MCTP1: variants seen among roughly 807,000 people sequenced by gnomAD.
MCTP1 encodes multiple C2 and transmembrane domain-containing protein 1.
MCTP1 carries 69 observed loss-of-function variants against 120.6 expected under a neutral mutation model. That is an observed-to-expected ratio of 0.57 (90% CI 0.47 to 0.70). MCTP1 has a LOEUF of 0.70. MCTP1 is among the 30% of genes least tolerant of loss of function. The pLI, the probability that MCTP1 is intolerant of heterozygous loss-of-function variation, is 0.00. For synonymous variants in MCTP1, 529 were observed against 493.1 expected, an observed-to-expected ratio of 1.07 and a Z score of -0.96; for missense variants, 1,203 against 1,248.8, an observed-to-expected ratio of 0.96 and a Z score of 0.55.
intron 1 of MCTP1, among the ~76,000 whole-genome samples, chr5:95,029,942 T>G (rs906965892): frequency 4.6e-5 from 7 of 152,112 alleles, no homozygotes; most frequent in African/African-American, 7.2e-5. Context: ...AAGCACAGCT[T>G]ACACAAAGAG....
At chr5:95,152,563 A>G (rs1211716199) in intron 1 of MCTP1, among the ~76,000 whole-genome samples, 1 of 152,216 alleles carries the variant, frequency 6.6e-6, no homozygotes, top group Non-Finnish European at 1.5e-5. Context: ...TGGACCCAGA[A>G]AGTGAGTCTA....
At chr5:94,901,674 C>T (rs1805582950) in intron 10 of MCTP1, among the ~76,000 whole-genome samples, 1 of 151,890 alleles carries the variant, frequency 6.6e-6, no homozygotes, top group African/African-American at 2.4e-5. Flanking sequence ...TATTCATCAT[C>T]TTTATGGGGT....
chr5:94,953,933 TATATATACAAATATATATGC>T (rs1821482570), intron 2 of MCTP1, among the ~76,000 whole-genome samples: 1 of 31,562 alleles, frequency 3.2e-5, no homozygotes. Flanking sequence ...AATATATGCA[TATATATACAAATATATATGC>T]ATATATATAC....
At chr5:95,141,860 A>G (rs768755474) in intron 1 of MCTP1, among the ~76,000 whole-genome samples, 3 of 152,218 alleles carry the variant, frequency 2.0e-5, no homozygotes, top group Non-Finnish European at 4.4e-5. Flanking sequence ...AATAAACTTC[A>G]TGCTGATCAC....
At chr5:95,017,559 A>AAAGGG in intron 1 of MCTP1, 75 bp from the exon 2 acceptor site, 25 of 759,012 alleles carry the variant, frequency 3.3e-5, no homozygotes, top group South Asian at 7.7e-5. Context: ...GACCATATAT[A>AAAGGG]GCTTAACCCA....
intron 10 of MCTP1, among the ~76,000 whole-genome samples, chr5:94,895,122 G>A (rs1803641738): frequency 6.6e-6 from 1 of 152,008 alleles, no homozygotes; most frequent in Non-Finnish European, 1.5e-5. Flanking sequence ...CCTATCTCTA[G>A]GTGGCCTAAG....
chr5:94,786,768 T>C (rs999914913), intron 18 of MCTP1, among the ~76,000 whole-genome samples: 5 of 150,082 alleles, frequency 3.3e-5, no homozygotes, highest in African/African-American at 1.3e-4. Context: ...TTGATTTTTT[T>C]TTATTTCTCA....
chr5:94,747,698 C>T (rs904695281), intron 19 of MCTP1, among the ~76,000 whole-genome samples: 8 of 151,822 alleles, frequency 5.3e-5, no homozygotes, highest in African/African-American at 1.5e-4. Context: ...GCAACAGAGG[C>T]GGATCTAGAA....
At chr5:95,230,171 T>C (rs967170930) in intron 1 of MCTP1, among the ~76,000 whole-genome samples, 2 of 115,318 alleles carry the variant, frequency 1.7e-5, no homozygotes, top group Admixed American at 8.1e-5. Flanking sequence ...CACACACATA[T>C]ACACATACAT....
chr5:95,190,780 G>T (rs1040412134), intron 1 of MCTP1, among the ~76,000 whole-genome samples: 1 of 152,050 alleles, frequency 6.6e-6, no homozygotes, highest in Admixed American at 6.6e-5. Context: ...ATGTACATTT[G>T]AGAAGACACT....
At chr5:95,006,373 G>A (rs950589853) in intron 2 of MCTP1, among the ~76,000 whole-genome samples, 1 of 151,260 alleles carries the variant, frequency 6.6e-6, no homozygotes, top group East Asian at 1.9e-4. Flanking sequence ...ATATATATAT[G>A]TATATTAGAA....
At chr5:95,030,894 G>C (rs1329818676) in intron 1 of MCTP1, among the ~76,000 whole-genome samples, 3 of 151,738 alleles carry the variant, frequency 2.0e-5, no homozygotes, top group Non-Finnish European at 4.4e-5. Flanking sequence ...CCAATAGAAA[G>C]CAGATATCCA....
chr5:95,118,265 T>C (rs1757966162), intron 1 of MCTP1, among the ~76,000 whole-genome samples: 1 of 152,148 alleles, frequency 6.6e-6, no homozygotes, highest in African/African-American at 2.4e-5. Flanking sequence ...GTGTAGAGTT[T>C]TTATTAGTTT....
intron 2 of MCTP1, among the ~76,000 whole-genome samples, chr5:94,995,430 C>T (rs1343635653): frequency 6.6e-6 from 1 of 152,080 alleles, no homozygotes. Flanking sequence ...GTTATAAGAA[C>T]ATCGTGTTAA....
intron 17 of MCTP1, among the ~76,000 whole-genome samples, chr5:94,817,407 A>AAAAC (rs55957139): frequency 0.14 from 20,612 of 149,950 alleles, 1,716 homozygotes; most frequent in East Asian, 0.4. Flanking sequence ...CTCTTGTCTC[A>AAAAC]AAACAAACAA....
intron 1 of MCTP1, among the ~76,000 whole-genome samples, chr5:95,140,917 G>A (rs1049922988): frequency 1.4e-5 from 2 of 142,394 alleles, no homozygotes; most frequent in African/African-American, 2.6e-5. Flanking sequence ...GCCATTTAAC[G>A]AGAATGTACT....
chr5:94,934,633 T>A (rs1374226986), intron 5 of MCTP1, among the ~76,000 whole-genome samples: 2 of 151,796 alleles, frequency 1.3e-5, no homozygotes, highest in Non-Finnish European at 2.9e-5. Flanking sequence ...GTAACATACA[T>A]CTTGTAAAGC....
At chr5:95,136,717 G>A (rs1217156834) in intron 1 of MCTP1, among the ~76,000 whole-genome samples, 1 of 152,182 alleles carries the variant, frequency 6.6e-6, no homozygotes, top group Non-Finnish European at 1.5e-5. Flanking sequence ...TTTTACGGAT[G>A]AAGAAACTGA....
In MCTP1 at chr5:95,133,228, C is replaced by T. The variant is rs556237015; in HGVS notation, c.721-115744G>A. 2.0e-5 allele frequency among the ~76,000 whole-genome samples: 3 copies of T among 152,270 alleles called. No individual in the cohort carries two copies. The South Asian group carries it at 6.2e-4, about 32-fold the overall frequency. ...CCCTTTATCTACAGGGGATATGTTT[C>T]AAGACCCCCACTGGATACTTGAAAC... On this transcript the variant is annotated intron_variant, in intron 1 of 22. Coordinates refer to ENST00000515393, the MANE Select transcript of MCTP1 (RefSeq NM_024717.7).
Sources: gnomAD v4.1 joint callset for allele counts (sites outside exome capture counted in the v4.1 genomes callset) on GRCh38, gnomAD v4.1.1 for gene constraint, MANE v1.5 for transcripts, NCBI Gene and HGNC (gene_info 2026-07-23, HGNC 2026-07-21) for gene names.